Variants in LGR6 observed in about 807,000 individuals in gnomAD.
LGR6 encodes the protein leucine rich repeat containing G protein-coupled receptor 6.
Under a neutral mutation model 69.4 loss-of-function variants are expected in LGR6, and 45 were observed. That is an observed-to-expected ratio of 0.65 (90% CI 0.51 to 0.83). The LOEUF (loss-of-function observed/expected upper bound fraction) is 0.83, where lower values mean the gene tolerates loss of function less well. LGR6 is among the 40% of genes least tolerant of loss of function. LGR6 has a pLI of 0.00. For missense variants in LGR6, 1,108 were observed against 1,246.7 expected (o/e 0.89, Z 1.68); for synonymous variants, 538 against 555.0 (o/e 0.97, Z 0.43).
At position 202,318,881 on chromosome 1, in the gene LGR6, G is replaced by C. The variant is rs1654400059; in HGVS notation, c.2578G>C (p.Glu860Gln). ...AGCCTATGCTGCGGCCGGGGAGCTG[G>C]AGAAGAGCTCCTGTGATTCTACCCA... ...PLAYAAAGEL[E>Q]KSSCDSTQAL... The change falls in exon 18 of 18, where the codon GAG (glutamate) becomes CAG (glutamine). Residue 860 changes from glutamate to glutamine, a missense_variant. Glu to Gln is a conservative substitution (Grantham distance 29). Transcript: ENST00000367278. 6.2e-7 allele frequency: 1 copy of C among 1,614,000 alleles called. No individual in the cohort carries two copies. The highest frequency in any genetic ancestry group is 1.1e-5 in the South Asian group (1 of 91,064).
At chr1:202,303,371 C>T in intron 10 of LGR6, 24 bp downstream of exon 10, 7 of 1,586,518 alleles carry the variant, frequency 4.4e-6, no homozygotes, top group South Asian at 1.1e-5. Context: ...CTCTCCCTAC[C>T]TTATCTATCG....
chr1:202,194,711 GGGCGGGTTTCCTAGAAGCT>G, intron 1 of LGR6: 1 of 264,970 alleles, frequency 3.8e-6, no homozygotes, highest in Non-Finnish European at 7.6e-6. Flanking sequence ...GGGGCGGGGG[GGGCGGGTTTCCTAGAAGCT>G]GGGAGGGGGG....
intron 6 of LGR6, among the ~76,000 whole-genome samples, chr1:202,294,945 G>A (rs933621763): frequency 6.6e-6 from 1 of 152,172 alleles, no homozygotes; most frequent in African/African-American, 2.4e-5. Context: ...AAGTATTTGG[G>A]GAAGAGCATG....
chr1:202,235,822 G>A, intron 3 of LGR6, 100 bp from the exon 4 acceptor site: 3 of 929,212 alleles, frequency 3.2e-6, no homozygotes, highest in South Asian at 1.4e-5. Context: ...TGAGAAGGAG[G>A]GGTCTGGCTT....
chr1:202,214,381 G>A, intron 1 of LGR6: 2 of 850,008 alleles, frequency 2.4e-6, no homozygotes, highest in Non-Finnish European at 3.4e-6. Context: ...GGGAGCCGAG[G>A]CCGCCTCCCC....
chr1:202,282,109 C>T (rs1383478039), intron 6 of LGR6, among the ~76,000 whole-genome samples: 1 of 152,202 alleles, frequency 6.6e-6, no homozygotes, highest in Non-Finnish European at 1.5e-5. Context: ...TGCCGGCATG[C>T]TCACCCTCCG....
intron 4 of LGR6, among the ~76,000 whole-genome samples, chr1:202,244,045 C>T (rs1232288001): frequency 1.3e-5 from 2 of 152,132 alleles, no homozygotes; most frequent in African/African-American, 4.8e-5. Context: ...CAACCTTCCA[C>T]CTGCCGGGTT....
intron 17 of LGR6, among the ~76,000 whole-genome samples, chr1:202,316,532 G>A (rs1370953006): frequency 1.3e-5 from 2 of 152,154 alleles, no homozygotes; most frequent in Non-Finnish European, 2.9e-5. Context: ...TTTTGGTGCA[G>A]ACAAACCATA....
intron 6 of LGR6, among the ~76,000 whole-genome samples, chr1:202,290,530 G>T (rs1666719845): frequency 6.6e-6 from 1 of 152,110 alleles, no homozygotes; most frequent in Admixed American, 6.5e-5. Flanking sequence ...CCTGGCTCTG[G>T]GACTTGCAGC....
chr1:202,208,028 G>T (rs1189360028), intron 1 of LGR6, among the ~76,000 whole-genome samples: 1 of 152,134 alleles, frequency 6.6e-6, no homozygotes, highest in Non-Finnish European at 1.5e-5. Flanking sequence ...GACCTGCAGA[G>T]CCCTGCTGGC....
intron 4 of LGR6, among the ~76,000 whole-genome samples, chr1:202,251,466 G>A (rs1663236409): frequency 1.3e-5 from 2 of 152,172 alleles, no homozygotes; most frequent in African/African-American, 4.8e-5. Context: ...CTACATAGGG[G>A]CATTCACCAT....
At position 202,319,327 on chromosome 1, in the gene LGR6, GC is replaced by G; in HGVS notation, c.*123del. On this transcript the variant is annotated 3_prime_UTR_variant, in exon 18 of 18. Transcript: ENST00000367278. ...CAGCAGTGTGATCTATAGCAGGATG[GC>G]CCAGTCCCTGGCTCCACTGATCACC... 2 of 1,154,044 alleles carry G rather than the reference GC, an allele frequency of 1.7e-6. No homozygotes were observed. Among genetic ancestry groups the G allele is most frequent in the Non-Finnish European group, 2.4e-6 (2 of 840,202 alleles). 71.5% of individuals were successfully genotyped at this position (1,154,044 alleles called of 1,614,324 possible). A position where few individuals can be genotyped will look rare whatever the true frequency, so the allele number is the denominator to read the frequency against.
intron 4 of LGR6, among the ~76,000 whole-genome samples, chr1:202,258,940 T>C (rs772413910): frequency 3.0e-4 from 45 of 152,226 alleles, no homozygotes; most frequent in Non-Finnish European, 4.3e-4. Context: ...TTTGAGATAA[T>C]AGACTTTACC....
intron 16 of LGR6, among the ~76,000 whole-genome samples, chr1:202,314,572 G>T (rs1653995714): frequency 6.6e-6 from 1 of 152,194 alleles, no homozygotes; most frequent in Non-Finnish European, 1.5e-5. Context: ...AGAAGGTCTA[G>T]GTGAAATGTT....
intron 6 of LGR6, among the ~76,000 whole-genome samples, chr1:202,290,095 C>T (rs1666687405): frequency 6.6e-6 from 1 of 152,158 alleles, no homozygotes; most frequent in Non-Finnish European, 1.5e-5. Flanking sequence ...TAGCTTATGT[C>T]TAGTAAAAGG....
rs763743707 is a variant in LGR6, at chr1:202,318,017, G to A, written c.1714G>A (p.Val572Met). The A allele has an allele frequency of 2.5e-5, 40 of 1,614,192 alleles. No individual in the cohort carries two copies. The highest frequency in any genetic ancestry group is 1.1e-4 in the East Asian group (5 of 44,884). The change falls in exon 18 of 18, where the codon GTG becomes ATG. Residue 572 changes from valine to methionine, a missense_variant. Transcript: ENST00000367278. Reference sequence around the variant, plus strand: ...CATCCGCCTGGCCGTGTGGGCCATCGTGTTGCTCTCCGTGCTCTGCAATGG... The same window carrying A: ...CATCCGCCTGGCCGTGTGGGCCATCATGTTGCTCTCCGTGCTCTGCAATGG... ...WGIRLAVWAI[V>M]LLSVLCNGLV... is the part of the protein sequence containing the mutation.
At chr1:202,293,903 A>T (rs1333220756) in intron 6 of LGR6, among the ~76,000 whole-genome samples, 1 of 152,142 alleles carries the variant, frequency 6.6e-6, no homozygotes, top group Non-Finnish European at 1.5e-5. Flanking sequence ...AAAATTCCTG[A>T]CCAGAAACTG....
rs556309493 is a variant in LGR6 at position 202,194,176 on chromosome 1, G to T, written c.187G>T (p.Asp63Tyr). 1.9e-6 allele frequency: 3 copies of T among 1,565,892 alleles called. No individual in the cohort carries two copies. Among genetic ancestry groups the T allele is most frequent in the South Asian group, 1.2e-5 (1 of 86,832 alleles). The change falls in exon 1 of 18, where the codon GAC becomes TAC. Residue 63 changes from aspartate to tyrosine, a missense_variant. Asp to Tyr is a radical substitution (Grantham distance 160). Transcript: ENST00000367278. ...GCTCGGGCTGTCCGCCGTTCCGGGGGACCTGGACCCCCTGACGGCTTACCT... is the reference window on the plus strand; with the variant it reads ...GCTCGGGCTGTCCGCCGTTCCGGGGTACCTGGACCCCCTGACGGCTTACCT... The part of the protein sequence containing the change: ...SELGLSAVPG[D>Y]LDPLTAYLDL...
At chr1:202,313,404 C>T (rs1238176115) in intron 16 of LGR6, among the ~76,000 whole-genome samples, 2 of 152,036 alleles carry the variant, frequency 1.3e-5, no homozygotes, top group Non-Finnish European at 2.9e-5. Flanking sequence ...TGAACCCTCC[C>T]CACCCCCTGA....
Sources: allele counts gnomAD v4.1 joint callset (sites outside exome capture counted in the v4.1 genomes callset), GRCh38; gene constraint gnomAD v4.1.1; transcripts MANE v1.5; gene names NCBI Gene and HGNC (gene_info 2026-07-23, HGNC 2026-07-21).